Variants in KIF22 observed in about 807,000 individuals in gnomAD.
KIF22 encodes kinesin family member 22, also known as kinesin-like protein KIF22.
Under a neutral mutation model 73.0 loss-of-function variants are expected in KIF22, and 62 were observed. The observed-to-expected ratio is 0.85, with a 90% CI of 0.69 to 1.05. The LOEUF is 1.05. Ranked by LOEUF, KIF22 falls within the 50% of genes least tolerant of loss-of-function variation. The probability of loss-of-function intolerance (pLI) is 0.00; values close to 1 mark genes in which losing one functional copy is unlikely to be tolerated. For synonymous variants in KIF22, 411 were observed against 340.1 expected (o/e 1.21, Z -2.29); for missense variants, 854 against 870.1 (o/e 0.98, Z 0.23).
At chr16:29,795,051 G>A (rs768305472) in intron 1 of KIF22, among the ~76,000 whole-genome samples, 9 of 152,136 alleles carry the variant, frequency 5.9e-5, no homozygotes, top group Non-Finnish European at 1.3e-4. Context: ...TGATCACTGC[G>A]CTTCCTTAAG....
At position 29,796,929 on chromosome 16, in the gene KIF22, C is replaced by T; in HGVS notation, c.107C>T (p.Thr36Ile). The T allele has an allele frequency of 6.2e-7, 1 of 1,614,162 alleles. No homozygotes were observed. The highest frequency in any genetic ancestry group is 2.2e-5 in the East Asian group (1 of 44,884). Residue 36 changes from threonine (T) to isoleucine (I), a missense_variant, in exon 2 of 14, where the codon ACT (threonine) becomes ATT (isoleucine). Thr to Ile is a moderately conservative substitution (Grantham distance 89, BLOSUM62 -1). Coordinates refer to ENST00000160827, the MANE Select transcript of KIF22 (RefSeq NM_007317.3). ...GRCRLSKIGA[T>I]RRPPPARVRV... is the part of the protein sequence containing the mutation. Reference sequence around the variant, plus strand: ...TGTCGGCTAAGCAAGATTGGAGCTACTCGTCGTCCACCTCCAGCTCGCGTA... The same window carrying T: ...TGTCGGCTAAGCAAGATTGGAGCTATTCGTCGTCCACCTCCAGCTCGCGTA...
In KIF22 at chr16:29,799,420, A is replaced by T; in HGVS notation, c.916A>T (p.Lys306Ter). ...CAACACCTCCCTGTTTGTCCTGGGC[A>T]AAGTGGTAGATGCGCTGAATCAGGG... Reference protein sequence around the residue: ...AINTSLFVLGKVVDALNQGLP... With the variant: ...AINTSLFVLG The change falls in exon 6 of 14, where the codon AAA (lysine) becomes TAA (stop). Residue 306 changes from lysine to a stop codon, truncating the protein, a stop_gained. Coordinates refer to ENST00000160827, the MANE Select transcript of KIF22 (RefSeq NM_007317.3). LOFTEE classifies it high-confidence loss of function. 2 of 1,614,260 alleles carry T rather than the reference A, an allele frequency of 1.2e-6. No homozygotes were observed. Among genetic ancestry groups the T allele is most frequent in the South Asian group, 1.1e-5 (1 of 91,090 alleles).
At position 29,802,933 on chromosome 16, in the gene KIF22, T is replaced by C; in HGVS notation, c.1445T>C (p.Ile482Thr). Residue 482 changes from isoleucine to threonine, a missense_variant, in exon 9 of 14, where the codon ATT (isoleucine) becomes ACT (threonine). Coordinates refer to ENST00000160827, the MANE Select transcript of KIF22 (RefSeq NM_007317.3). ...ACAGTGGAAGAGAAGGACCTAGAGA[T>C]TGAGGTACGTGTTTTAGGGATGTGG... ...MKTVEEKDLEIERLKTKQKEL... is the reference protein window; with the variant it reads ...MKTVEEKDLETERLKTKQKEL... 3 of 1,611,318 alleles carry C rather than the reference T, an allele frequency of 1.9e-6. No homozygotes were observed. The highest frequency in any genetic ancestry group is 2.5e-6 in the Non-Finnish European group (3 of 1,178,940).
intron 8 of KIF22, among the ~76,000 whole-genome samples, chr16:29,801,662 G>C (rs2142376694): frequency 6.6e-6 from 1 of 152,308 alleles, no homozygotes; most frequent in Admixed American, 6.5e-5. Context: ...AGTCAGATGG[G>C]AACATCAGTA....
In KIF22 at chr16:29,800,018, C is replaced by G. The variant is rs1386178844; in HGVS notation, c.1250C>G (p.Ala417Gly). The stretch of plus-strand genomic sequence containing the variant: ...GAGATCGGGAGCCCTGAGCCCATGG[C>G]AGCTCCAGCCTCTGCCTCCCAGAAA... The part of the protein sequence containing the change: ...EEEIGSPEPM[A>G]APASASQKLS... Residue 417 changes from alanine (A) to glycine (G), a missense_variant, in exon 8 of 14, where the codon GCA (alanine) becomes GGA (glycine). Physicochemically the swap from Ala to Gly is moderately conservative, Grantham distance 60 (BLOSUM62 0). Around this residue, in one of 3 missense-constraint regions of KIF22, gnomAD observed 423 missense variants for 365.4 expected, o/e 1.16. Transcript: ENST00000160827. 6.2e-7 allele frequency: 1 copy of G among 1,613,288 alleles called. No homozygotes were observed. Among genetic ancestry groups the G allele is most frequent in the Admixed American group, 1.7e-5 (1 of 60,000 alleles).
chr16:29,803,938 TAC>T, intron 10 of KIF22, 58 bp from the exon 11 acceptor site: 1 of 1,282,508 alleles, frequency 7.8e-7, no homozygotes, highest in Non-Finnish European at 1.1e-6. Context: ...ATCGAAGGGC[TAC>T]CAGGGAGGGT....
rs1213662414 is a variant in KIF22 at position 29,803,436 on chromosome 16, TC to T, written c.1450-11del. 1.9e-6 allele frequency: 3 copies of T among 1,613,652 alleles called. No homozygotes were observed. Among genetic ancestry groups the T allele is most frequent in the African/African-American group, 1.3e-5 (1 of 74,862 alleles). The stretch of plus-strand genomic sequence containing the variant: ...TTGGGTCTGGATCACATCTCCCTGA[TC>T]CTTTCCAACAGAGGCTTAAGACGAA... On this transcript the variant is annotated splice_polypyrimidine_tract_variant and intron_variant, in intron 9 of 13. Coordinates refer to ENST00000160827, the MANE Select transcript of KIF22 (RefSeq NM_007317.3).
At chr16:29,804,169 T>C (rs993431659) in intron 11 of KIF22, 104 bp downstream of exon 11, 1 of 888,668 alleles carries the variant, frequency 1.1e-6, no homozygotes, top group African/African-American at 1.6e-5. Flanking sequence ...AACTGGATGA[T>C]GGCCGCCAGC....
intron 8 of KIF22, among the ~76,000 whole-genome samples, chr16:29,801,366 C>T (rs1899130993): frequency 6.6e-6 from 1 of 152,162 alleles, no homozygotes; most frequent in Non-Finnish European, 1.5e-5. Context: ...AGCCTGTGAA[C>T]TACTAAACAG....
At chr16:29,802,284 A>C (rs915920755) in intron 8 of KIF22, among the ~76,000 whole-genome samples, 5 of 151,200 alleles carry the variant, frequency 3.3e-5, no homozygotes, top group Non-Finnish European at 7.4e-5. Flanking sequence ...AAAAAAAAAA[A>C]AAAAAAAAGA....
chr16:29,804,530 A>C (rs1347228504), intron 11 of KIF22: 1 of 668,732 alleles, frequency 1.5e-6, no homozygotes, highest in East Asian at 2.9e-5. Flanking sequence ...CAGATTTAAG[A>C]GCTTATTTTG....
rs748255068 is a variant in KIF22 at position 29,798,986 on chromosome 16, C to T, written c.561C>T (p.Leu187=). The part of the protein sequence containing the change: ...LEIYQEKVLD[L]LDPASGDLVI... ...CACTGCTTACACAGGTATTAGACCT[C>T]CTGGACCCTGCTTCGGGAGACCTGG... Residue 187 remains leucine (L), a synonymous_variant, in exon 5 of 14, where the codon CTC becomes CTT. Transcript: ENST00000160827. The surrounding 1 kb of genome is among the most constrained non-coding windows in gnomAD (Gnocchi z 4.1). 3 of 1,614,090 alleles carry T rather than the reference C, an allele frequency of 1.9e-6. No homozygotes were observed. The African/African-American group carries it at 4.0e-5, about 22-fold the overall frequency.
At chr16:29,804,565 G>A in intron 11 of KIF22, 1 of 684,056 alleles carries the variant, frequency 1.5e-6, no homozygotes, top group Non-Finnish European at 2.7e-6. Flanking sequence ...TAACTCACTT[G>A]ATCTCCACAG....
chr16:29,802,776 C>T lies in KIF22; in HGVS notation c.1288C>T (p.Gln430Ter), dbSNP rs778742395. The T allele has an allele frequency of 1.9e-6, 3 of 1,573,392 alleles. No homozygotes were observed. Among genetic ancestry groups the T allele is most frequent in the Non-Finnish European group, 2.6e-6 (3 of 1,165,066 alleles). ...ASASQKLSPL[Q>*]KLSSMDPAML... is the part of the protein sequence containing the mutation. ...ACTTCTTTTTCTGCTCAGCCCCCTA[C>T]AGAAGCTAAGCAGCATGGACCCGGC... The change falls in exon 9 of 14, where the codon CAG becomes TAG. Residue 430 changes from glutamine (Q) to a stop codon, truncating the protein, a stop_gained. Coordinates refer to ENST00000160827, the MANE Select transcript of KIF22 (RefSeq NM_007317.3). LOFTEE classifies it high-confidence loss of function.
intron 1 of KIF22, 74 bp from the exon 2 acceptor site, chr16:29,796,819 G>A (rs182538289): frequency 4.3e-5 from 62 of 1,432,774 alleles, no homozygotes; most frequent in African/African-American, 2.1e-4. Flanking sequence ...CCCCCAGCCC[G>A]CCCAGCAAAG....
chr16:29,794,646 A>G lies in KIF22; in HGVS notation c.71-2247A>G, dbSNP rs186275313. Reference sequence around the variant, plus strand: ...ACCCAGGCTGGAGTGCAGTGGCGCAATCTCTGCTCACTGCAACCTCCACTT... The same window carrying G: ...ACCCAGGCTGGAGTGCAGTGGCGCAGTCTCTGCTCACTGCAACCTCCACTT... On this transcript the variant is annotated intron_variant, in intron 1 of 13. Coordinates refer to ENST00000160827, the MANE Select transcript of KIF22 (RefSeq NM_007317.3). Among the ~76,000 whole-genome samples, 812 of 152,086 alleles carry G rather than the reference A, an allele frequency of 5.3e-3. 5 individuals carry two copies. The highest frequency in any genetic ancestry group is 0.019 in the African/African-American group (773 of 41,442).
rs767183596 is a variant in KIF22 at position 29,799,955 on chromosome 16, C to T, written c.1187C>T (p.Pro396Leu). 1 of 1,614,176 alleles carries T rather than the reference C, an allele frequency of 6.2e-7. No individual in the cohort carries two copies. The highest frequency in any genetic ancestry group is 8.5e-7 in the Non-Finnish European group (1 of 1,180,044). ...CTGTCTCAGAAAGAATTGCTTGGTC[C>T]ACCAGAGGCAAAGAGAGCCCGAGGC... ...VKLSQKELLG[P>L]PEAKRARGPE... The change falls in exon 8 of 14, where the codon CCA becomes CTA. Residue 396 changes from proline (P) to leucine (L), a missense_variant. By Grantham distance (98) the Pro-to-Leu change is moderately conservative. Transcript: ENST00000160827.
At chr16:29,800,637 C>T (rs1212277684) in intron 8 of KIF22, among the ~76,000 whole-genome samples, 3 of 151,152 alleles carry the variant, frequency 2.0e-5, no homozygotes, top group African/African-American at 7.3e-5. Context: ...TGGTAGTGGG[C>T]ACCTGTAATC....
At position 29,803,502 on chromosome 16, in the gene KIF22, T is replaced by G. The variant is rs755664483; in HGVS notation, c.1503T>G (p.Ala501=). ...ELEAKMLAQK[A]EEKENHCPTM... is the part of the protein sequence containing the mutation. ...AGGCCAAGATGTTGGCCCAGAAGGCTGAGGAAAAGGAGAACCATTGTCCCA... is the reference window on the plus strand; with the variant it reads ...AGGCCAAGATGTTGGCCCAGAAGGCGGAGGAAAAGGAGAACCATTGTCCCA... Residue 501 remains alanine (A), a synonymous_variant, in exon 10 of 14, where the codon GCT becomes GCG. Coordinates refer to ENST00000160827, the MANE Select transcript of KIF22 (RefSeq NM_007317.3). The G allele has an allele frequency of 6.2e-7, 1 of 1,614,196 alleles. No homozygotes were observed. The highest frequency in any genetic ancestry group is 8.5e-7 in the Non-Finnish European group (1 of 1,180,018).
Sources: gnomAD v4.1 joint callset for allele counts (sites outside exome capture counted in the v4.1 genomes callset) on GRCh38, gnomAD v4.1.1 for gene constraint, gnomAD v4.1.1 regional missense constraint, Gnocchi (gnomAD v3.1) non-coding constraint, MANE v1.5 for transcripts, NCBI Gene and HGNC (gene_info 2026-07-23, HGNC 2026-07-21) for gene names.